PPP4R1: variants seen among roughly 807,000 people sequenced by gnomAD.
PPP4R1 encodes protein phosphatase 4 regulatory subunit 1.
A neutral mutation model predicts 111.2 loss-of-function variants in PPP4R1; 42 were observed. The observed-to-expected ratio is 0.38, with a 90% CI of 0.29 to 0.49. The LOEUF is 0.49. Ranked by LOEUF, PPP4R1 falls within the 20% of genes least tolerant of loss-of-function variation. The pLI is 0.97. For missense variants in PPP4R1, 1,012 were observed against 1,161.6 expected, an observed-to-expected ratio of 0.87 and a Z score of 1.87; for synonymous variants, 409 against 405.5, an observed-to-expected ratio of 1.01 and a Z score of -0.10.
At chr18:9,570,121 C>G (rs750886375) in intron 11 of PPP4R1, 36 bp downstream of exon 11, 1 of 1,473,504 alleles carries the variant, frequency 6.8e-7, no homozygotes, top group Admixed American at 2.5e-5. Flanking sequence ...TATTTTTAAT[C>G]AATTTCAGAA....
At chr18:9,601,135 A>G (rs888448300) in intron 2 of PPP4R1, among the ~76,000 whole-genome samples, 3 of 151,782 alleles carry the variant, frequency 2.0e-5, no homozygotes, top group Non-Finnish European at 2.9e-5. Flanking sequence ...TTTTAATGTT[A>G]TCTGAATTTT....
chr18:9,615,043 G>GCGGCTCCGAGGTCGTCGGGGC (rs2067670316), upstream of PPP4R1: 1 of 152,196 alleles, frequency 6.6e-6, no homozygotes, highest in Admixed American at 6.5e-5. Flanking sequence ...GGGGCCGGGG[G>GCGGCTCCGAGGTCGTCGGGGC]CGGCTCCGAG....
Position 9,583,222 on chromosome 18 carries a change from A to G in PPP4R1, c.813T>C (p.Ala271=), listed in dbSNP as rs768369684. 6.2e-7 allele frequency: 1 copy of G among 1,609,438 alleles called. No homozygotes were observed. ...CSDNVWGVRK[A]CAECFMAVSC... Reference sequence around the variant, plus strand: ...AAACCGCCATGAAGCATTCAGCACAAGCCTTTCGGACTCCCCATACATTAT... The same window carrying G: ...AAACCGCCATGAAGCATTCAGCACAGGCCTTTCGGACTCCCCATACATTAT... The change falls in exon 9 of 20, where the codon GCT becomes GCC. Residue 271 remains alanine, a synonymous_variant. Coordinates refer to ENST00000400556, the MANE Select transcript of PPP4R1 (RefSeq NM_001042388.3).
chr18:9,583,613 T>A (rs1227327285), intron 8 of PPP4R1, among the ~76,000 whole-genome samples: 1 of 152,112 alleles, frequency 6.6e-6, no homozygotes, highest in Non-Finnish European at 1.5e-5. Context: ...GTGATCCACC[T>A]GCCTTGGCCT....
At position 9,614,438 on chromosome 18, in the gene PPP4R1, C is replaced by G. The variant is rs2067652817; in HGVS notation, c.7+40G>C. On this transcript the variant is annotated intron_variant, in intron 1 of 19. Transcript: ENST00000400556. This position sits in a 1 kb window ranked among gnomAD's most constrained non-coding sequence, Gnocchi z 4.1. ...GGCTGCGGCGGAGGGCGGGTGGGCTCGAGGAGCCGCCGCCGCCCGGAGAAC... is the reference window on the plus strand; with the variant it reads ...GGCTGCGGCGGAGGGCGGGTGGGCTGGAGGAGCCGCCGCCGCCCGGAGAAC... The G allele has an allele frequency of 9.8e-7, 1 of 1,021,108 alleles. No individual in the cohort carries two copies. Among genetic ancestry groups the G allele is most frequent in the Non-Finnish European group, 1.2e-6 (1 of 854,616 alleles). The allele number at this position is 1,021,108 out of a possible 1,614,324, so 63.3% of individuals were successfully genotyped here. A position where few individuals can be genotyped will look rare whatever the true frequency, so the allele number is the denominator to read the frequency against.
At chr18:9,553,681 C>A (rs953430585) in intron 15 of PPP4R1, among the ~76,000 whole-genome samples, 1 of 152,196 alleles carries the variant, frequency 6.6e-6, no homozygotes, top group African/African-American at 2.4e-5. Flanking sequence ...CCCCACAGTA[C>A]CCCGGGCACA....
In PPP4R1 at chr18:9,577,105, T is replaced by G. The variant is rs756457473; in HGVS notation, c.1005A>C (p.Glu335Asp). Residue 335 changes from glutamate to aspartate, a missense_variant, in exon 10 of 20, where the codon GAA (glutamate) becomes GAC (aspartate). By Grantham distance (45) the Glu-to-Asp change is conservative (BLOSUM62 2). This residue lies in a region of PPP4R1 where 707 missense variants were observed against 742.1 expected (regional missense o/e 0.95). Transcript: ENST00000400556. ...PSSSGQYFKE[E>D]SKSSEEMSVE... Reference sequence around the variant, plus strand: ...CTGACATCTCTTCTGAACTTTTGCTTTCTTCTTTAAAATACTGGCCTGAGC... The same window carrying G: ...CTGACATCTCTTCTGAACTTTTGCTGTCTTCTTTAAAATACTGGCCTGAGC... 6.3e-7 allele frequency: 1 copy of G among 1,598,440 alleles called. No homozygotes were observed. Among genetic ancestry groups the G allele is most frequent in the Admixed American group, 1.7e-5 (1 of 57,626 alleles).
chr18:9,594,262 TATTTTTTAAGAA>T (rs2067257510), intron 3 of PPP4R1: 1 of 154,616 alleles, frequency 6.5e-6, no homozygotes, highest in Non-Finnish European at 1.4e-5. Flanking sequence ...AAAATCTGTA[TATTTTTTAAGAA>T]AATTTTTTCT....
chr18:9,549,167 C>G, intron 19 of PPP4R1, 30 bp downstream of exon 19: 1 of 1,600,562 alleles, frequency 6.2e-7, no homozygotes, highest in Non-Finnish European at 8.6e-7. Flanking sequence ...TCTCTACTCA[C>G]ACGCTTCTTC....
rs747288289 is a variant in PPP4R1 at position 9,553,305 on chromosome 18, A to C, written c.2291+17T>G. ...ATACCCCTCCAAAACATAATCTAATAAACTGTTAGAACTTACTCAGCCAGT... is the reference window on the plus strand; with the variant it reads ...ATACCCCTCCAAAACATAATCTAATCAACTGTTAGAACTTACTCAGCCAGT... On this transcript the variant is annotated intron_variant, in intron 16 of 19. Transcript: ENST00000400556. 29 of 1,527,140 alleles carry C rather than the reference A, an allele frequency of 1.9e-5. No individual in the cohort carries two copies. Among genetic ancestry groups the C allele is most frequent in the Middle Eastern group, 1.7e-4 (1 of 5,920 alleles). 94.6% of individuals were successfully genotyped at this position (1,527,140 alleles called of 1,614,324 possible). A position where few individuals can be genotyped will look rare whatever the true frequency, so the allele number is the denominator to read the frequency against.
intron 8 of PPP4R1, 89 bp from the exon 9 acceptor site, chr18:9,583,364 TTTTG>T (rs563453869): frequency 2.9e-4 from 359 of 1,256,754 alleles, no homozygotes; most frequent in South Asian, 5.5e-4. Flanking sequence ...TTCACGCTTC[TTTTG>T]TTTGTTTGTT....
intron 10 of PPP4R1, among the ~76,000 whole-genome samples, chr18:9,574,956 T>C (rs1209835963): frequency 6.6e-6 from 1 of 152,232 alleles, no homozygotes; most frequent in Non-Finnish European, 1.5e-5. Flanking sequence ...GATTTGAGTA[T>C]TTCAACTCTG....
chr18:9,553,483 G>C (rs407530), intron 15 of PPP4R1, 61 bp from the exon 16 acceptor site: 3 of 1,133,368 alleles, frequency 2.6e-6, no homozygotes, highest in Non-Finnish European at 3.9e-6. Context: ...TCTTTTACTA[G>C]AGTGCTTAAA....
chr18:9,584,464 G>C, intron 8 of PPP4R1, 51 bp downstream of exon 8: 1 of 1,476,306 alleles, frequency 6.8e-7, no homozygotes, highest in Non-Finnish European at 9.2e-7. Context: ...CAAACTTTAT[G>C]TACTACTTTG....
rs1210351987 is a variant in PPP4R1, at chr18:9,614,307, C to A, written c.8-37G>T. On this transcript the variant is annotated intron_variant, in intron 1 of 19. Coordinates refer to ENST00000400556, the MANE Select transcript of PPP4R1 (RefSeq NM_001042388.3). The surrounding 1 kb of genome is among the most constrained non-coding windows in gnomAD (Gnocchi z 4.1). ...GGAGAGAAGAAAGGCCCGGTCAGCG[C>A]CCCGGGGCCCGGCGCGACGCCCCCC... 51 of 1,221,024 alleles carry A rather than the reference C, an allele frequency of 4.2e-5. No homozygotes were observed. Among genetic ancestry groups the A allele is most frequent in the Middle Eastern group, 3.2e-4 (1 of 3,124 alleles). The allele number at this position is 1,221,024 out of a possible 1,614,324, so 75.6% of individuals were successfully genotyped here.
At chr18:9,559,676 G>A in intron 13 of PPP4R1, 72 bp from the exon 14 acceptor site, 1 of 1,180,170 alleles carries the variant, frequency 8.5e-7, no homozygotes, top group African/African-American at 1.6e-5. Flanking sequence ...CATAAATTGG[G>A]CAAAATTATT....
At chr18:9,601,789 G>C (rs1438581444) in intron 2 of PPP4R1, among the ~76,000 whole-genome samples, 1 of 152,028 alleles carries the variant, frequency 6.6e-6, no homozygotes. Context: ...CACCGTGCCT[G>C]GCCAAAAGAA....
chr18:9,602,803 G>A (rs181336817), intron 2 of PPP4R1, among the ~76,000 whole-genome samples: 3 of 135,574 alleles, frequency 2.2e-5, no homozygotes, highest in South Asian at 2.2e-4. Flanking sequence ...CCTGGGCGAC[G>A]TACTGAGACA....
rs2066475344 is a variant in PPP4R1 at position 9,550,699 on chromosome 18, C to T, written c.2292-301G>A. 2.1e-5 allele frequency: 6 copies of T among 285,762 alleles called. 1 individual carries two copies. The highest frequency in any genetic ancestry group is 1.7e-4 in the South Asian group (4 of 23,104). 17.7% of individuals were successfully genotyped at this position (285,762 alleles called of 1,614,324 possible). ...CCTAGTATGTTCAACTGGAACATGG[C>T]CCACACTGATCCATGGTCACAGTTT... On this transcript the variant is annotated intron_variant, in intron 16 of 19. Transcript: ENST00000400556.
Sources: allele counts gnomAD v4.1 joint callset (sites outside exome capture counted in the v4.1 genomes callset), GRCh38; gene constraint gnomAD v4.1.1; regional missense constraint gnomAD v4.1.1; non-coding constraint Gnocchi (gnomAD v3.1); transcripts MANE v1.5; gene names NCBI Gene and HGNC (gene_info 2026-07-23, HGNC 2026-07-21).